Variants in MYO9A observed in about 807,000 individuals in gnomAD.
MYO9A encodes myosin IXA, also known as unconventional myosin-IXa.
In MYO9A, 103 loss-of-function variants were observed where a neutral mutation model predicts 293.3. The observed-to-expected ratio is 0.35, with a 90% CI of 0.30 to 0.41. MYO9A has a LOEUF of 0.41. MYO9A is among the 10% of genes least tolerant of loss of function. The pLI is 1.00. For synonymous variants in MYO9A, 1,001 were observed against 1,035.7 expected, an observed-to-expected ratio of 0.97 and a Z score of 0.64; for missense variants, 2,685 against 3,033.0, an observed-to-expected ratio of 0.89 and a Z score of 2.69.
At chr15:71,955,098 A>G (rs1490333490) in intron 14 of MYO9A, among the ~76,000 whole-genome samples, 1 of 151,998 alleles carries the variant, frequency 6.6e-6, no homozygotes, top group Non-Finnish European at 1.5e-5. Context: ...CACCAGAAGT[A>G]ATCAAGTTCT....
At chr15:71,959,089 T>C (rs2059267156) in intron 14 of MYO9A, 1 of 152,208 alleles carries the variant, frequency 6.6e-6, no homozygotes, top group Non-Finnish European at 1.5e-5. Context: ...GATAACCTCT[T>C]AGAAATCACT....
At chr15:71,893,833 G>C in intron 25 of MYO9A, 55 bp from the exon 26 acceptor site, 2 of 1,434,222 alleles carry the variant, frequency 1.4e-6, no homozygotes, top group South Asian at 2.4e-5. Context: ...TCCCATGGCA[G>C]CCAGGTTAAA....
intron 1 of MYO9A, among the ~76,000 whole-genome samples, chr15:72,095,588 A>G (rs2080038447): frequency 1.1e-5 from 1 of 93,264 alleles, no homozygotes; most frequent in African/African-American, 2.5e-5. Context: ...TACACTAAAC[A>G]ACAGATTTTT....
At position 71,888,100 on chromosome 15, in the gene MYO9A, G is replaced by A. The variant is rs554967460; in HGVS notation, c.5159C>T (p.Ser1720Leu). Reference sequence around the variant, plus strand: ...AAGTTTTGCTTGTTCATCAACTGACGAAAATCGCTGTGATGTCTGTAATAA... The same window carrying A: ...AAGTTTTGCTTGTTCATCAACTGACAAAAATCGCTGTGATGTCTGTAATAA... Reference protein sequence around the residue: ...PGQRETSQRFSSVDEQAKLHK... With the variant: ...PGQRETSQRFLSVDEQAKLHK... Residue 1720 changes from serine (S) to leucine (L), a missense_variant, in exon 27 of 42, where the codon TCG (serine) becomes TTG (leucine). By Grantham distance (145) the Ser-to-Leu change is moderately radical. Coordinates refer to ENST00000356056, the MANE Select transcript of MYO9A (RefSeq NM_006901.4). 5.0e-6 allele frequency: 8 copies of A among 1,599,090 alleles called. No individual in the cohort carries two copies. Among genetic ancestry groups the A allele is most frequent in the Admixed American group, 1.7e-5 (1 of 59,034 alleles).
rs117683061 is a variant in MYO9A, at chr15:71,967,436, T to G, written c.1986+548A>C. 4.2e-3 allele frequency among the ~76,000 whole-genome samples: 634 copies of G among 152,280 alleles called. 4 individuals are homozygous for G. The highest frequency in any genetic ancestry group is 6.8e-3 in the Non-Finnish European group (463 of 67,998). ...CAAGACCCAGGAGAAAACATTTAAT[T>G]CCACTATTCTCCATATCATCAGCTG... On this transcript the variant is annotated intron_variant, in intron 13 of 41. Coordinates refer to ENST00000356056, the MANE Select transcript of MYO9A (RefSeq NM_006901.4).
At position 72,073,003 on chromosome 15, in the gene MYO9A, CATT is replaced by C. The variant is rs1297910011; in HGVS notation, c.-71-26372_-71-26370del. ...CTCAACTTAAGTGTCCATCAATGGA[CATT>C]ATTATTCTCTGACCTCCCTATAAGT... is the stretch of plus-strand genomic sequence containing the variant. On this transcript the variant is annotated intron_variant, in intron 1 of 41. Transcript: ENST00000356056. Among the ~76,000 whole-genome samples the C allele has an allele frequency of 2.0e-4, 31 of 152,190 alleles. 1 individual carries two copies. Among genetic ancestry groups the C allele is most frequent in the Admixed American group, 1.9e-3 (29 of 15,276 alleles).
chr15:72,099,193 C>T (rs1028326200), intron 1 of MYO9A, among the ~76,000 whole-genome samples: 1 of 152,002 alleles, frequency 6.6e-6, no homozygotes, highest in Non-Finnish European at 1.5e-5. Context: ...TAATCCAGCA[C>T]TTTGGGAGGC....
intron 12 of MYO9A, among the ~76,000 whole-genome samples, chr15:71,976,273 A>G (rs1486937727): frequency 6.6e-6 from 1 of 152,210 alleles, no homozygotes; most frequent in Non-Finnish European, 1.5e-5. Flanking sequence ...GTGGTGTTAG[A>G]GTAAAGGAAA....
intron 19 of MYO9A, among the ~76,000 whole-genome samples, chr15:71,905,284 T>A (rs2057598366): frequency 6.6e-6 from 1 of 152,180 alleles, no homozygotes; most frequent in Non-Finnish European, 1.5e-5. Flanking sequence ...TCACTTTTCT[T>A]CACATTTCAT....
At chr15:72,036,227 A>G (rs1332551670) in intron 2 of MYO9A, among the ~76,000 whole-genome samples, 1 of 152,254 alleles carries the variant, frequency 6.6e-6, no homozygotes, top group East Asian at 1.9e-4. Context: ...TGGTTGCCCC[A>G]TGAATAAATA....
chr15:72,033,457 T>C (rs908965303), intron 2 of MYO9A, among the ~76,000 whole-genome samples: 6 of 152,100 alleles, frequency 3.9e-5, no homozygotes, highest in African/African-American at 1.4e-4. Flanking sequence ...TCACCCAAAG[T>C]ATGTACCTTA....
intron 9 of MYO9A, among the ~76,000 whole-genome samples, chr15:71,995,026 C>A (rs1332687528): frequency 6.6e-6 from 1 of 152,224 alleles, no homozygotes; most frequent in East Asian, 1.9e-4. Flanking sequence ...GCCACCGCAC[C>A]CAGCCAATTG....
chr15:72,062,493 A>G (rs2078905568), intron 1 of MYO9A, among the ~76,000 whole-genome samples: 1 of 152,202 alleles, frequency 6.6e-6, no homozygotes. Flanking sequence ...TAAACTTAAC[A>G]AAGACTAAAA....
intron 11 of MYO9A, among the ~76,000 whole-genome samples, chr15:71,987,773 C>G (rs916928519): frequency 6.6e-6 from 1 of 152,088 alleles, no homozygotes; most frequent in Non-Finnish European, 1.5e-5. Flanking sequence ...AAAATTTTAA[C>G]CTTAACTTAT....
chr15:71,994,960 G>C (rs2076655817), intron 9 of MYO9A, among the ~76,000 whole-genome samples: 1 of 152,160 alleles, frequency 6.6e-6, no homozygotes, highest in African/African-American at 2.4e-5. Context: ...TCAAATTCCT[G>C]ACCTCAGGTG....
chr15:72,028,412 C>T (rs2077750881), intron 3 of MYO9A, among the ~76,000 whole-genome samples: 1 of 149,724 alleles, frequency 6.7e-6, no homozygotes, highest in Admixed American at 6.7e-5. Flanking sequence ...CTTTGGGAGG[C>T]CGAGGAGGGT....
chr15:71,840,708 C>T (rs767434256), intron 39 of MYO9A, among the ~76,000 whole-genome samples: 28 of 152,136 alleles, frequency 1.8e-4, no homozygotes, highest in Non-Finnish European at 2.9e-4. Flanking sequence ...AGGCTCACTG[C>T]AAGCTCTGCC....
chr15:71,873,357 GCCAT>G (rs2056582199), intron 32 of MYO9A, among the ~76,000 whole-genome samples: 1 of 151,872 alleles, frequency 6.6e-6, no homozygotes, highest in Non-Finnish European at 1.5e-5. Context: ...TCAGTCTTTT[GCCAT>G]TACAAACTCT....
intron 1 of MYO9A, among the ~76,000 whole-genome samples, chr15:72,105,161 T>C (rs1166663891): frequency 6.6e-6 from 1 of 152,238 alleles, no homozygotes; most frequent in African/African-American, 2.4e-5. Context: ...ACAAGACTCT[T>C]CTGGAAAAAA....
Sources: gnomAD v4.1 joint callset for allele counts (sites outside exome capture counted in the v4.1 genomes callset) on GRCh38, gnomAD v4.1.1 for gene constraint, MANE v1.5 for transcripts, NCBI Gene and HGNC (gene_info 2026-07-23, HGNC 2026-07-21) for gene names.